Variants in KCNQ1 observed in about 807,000 individuals in gnomAD.
The protein encoded by KCNQ1 is potassium voltage-gated channel subfamily KQT member 1.
In KCNQ1, 49 loss-of-function variants were observed where a neutral mutation model predicts 72.4. The ratio of observed to expected loss-of-function variants is 0.68; its 90% CI spans 0.54 to 0.86. The LOEUF (loss-of-function observed/expected upper bound fraction) is 0.86. KCNQ1 is among the 40% of genes least tolerant of loss of function. The probability of loss-of-function intolerance (pLI) is 0.00; values close to 1 mark genes in which losing one functional copy is unlikely to be tolerated. For missense variants in KCNQ1, 790 were observed against 945.1 expected, an observed-to-expected ratio of 0.84 and a Z score of 2.15; for synonymous variants, 450 against 412.6, an observed-to-expected ratio of 1.09 and a Z score of -1.10.
At chr11:2,638,861 T>C (rs1160227399) in intron 10 of KCNQ1, 2 of 152,250 alleles carry the variant, frequency 1.3e-5, no homozygotes, top group Non-Finnish European at 2.9e-5. Flanking sequence ...CAGTCAGATG[T>C]AGATTTGGTC....
At position 2,607,565 on chromosome 11, in the gene KCNQ1, C is replaced by T. The variant is rs1430374963; in HGVS notation, c.1393+18711C>T. On this transcript the variant is annotated intron_variant, in intron 10 of 15. Transcript: ENST00000155840. Reference sequence around the variant, plus strand: ...CACAAGAAGACAACTGTTCATGAACCAGAAAGCGAGTCCTCTCCAGATGCT... The same window carrying T: ...CACAAGAAGACAACTGTTCATGAACTAGAAAGCGAGTCCTCTCCAGATGCT... Among the ~76,000 whole-genome samples, 5 of 152,100 alleles carry T rather than the reference C, an allele frequency of 3.3e-5. No individual in the cohort carries two copies. In the South Asian group the frequency reaches 8.3e-4, roughly 25 times the overall value.
At chr11:2,584,478 T>C (rs534288992) in intron 7 of KCNQ1, among the ~76,000 whole-genome samples, 1 of 151,804 alleles carries the variant, frequency 6.6e-6, no homozygotes, top group Admixed American at 6.6e-5. Flanking sequence ...TGTATGTTAG[T>C]GTTAGTGTGT....
At chr11:2,554,887 A>G (rs866294681) in intron 2 of KCNQ1, among the ~76,000 whole-genome samples, 13 of 152,290 alleles carry the variant, frequency 8.5e-5, no homozygotes, top group Admixed American at 1.3e-4. Context: ...AAAGGGGGGG[A>G]AAACAACTGT....
intron 2 of KCNQ1, among the ~76,000 whole-genome samples, chr11:2,548,571 C>T (rs756819369): frequency 6.6e-6 from 1 of 152,208 alleles, no homozygotes; most frequent in Non-Finnish European, 1.5e-5. Context: ...GTCTGCAAAC[C>T]GCTACATTCT....
intron 11 of KCNQ1, among the ~76,000 whole-genome samples, chr11:2,737,657 C>T (rs963404202): frequency 1.3e-5 from 2 of 152,208 alleles, no homozygotes; most frequent in Admixed American, 6.5e-5. Flanking sequence ...GGGAAGCCTT[C>T]GTGCTGACTC....
At chr11:2,791,283 A>C (rs1005986510) in intron 15 of KCNQ1, among the ~76,000 whole-genome samples, 4 of 152,154 alleles carry the variant, frequency 2.6e-5, no homozygotes, top group African/African-American at 7.2e-5. Context: ...AATCGACAGC[A>C]TCAATTGCGG....
chr11:2,460,913 G>C (rs532168980), intron 1 of KCNQ1, among the ~76,000 whole-genome samples: 145 of 152,340 alleles, frequency 9.5e-4, no homozygotes, highest in Non-Finnish European at 1.7e-3. Flanking sequence ...CCCTCTTGTC[G>C]GTCTTGTCTG....
chr11:2,840,679 C>T (rs1171579178), intron 15 of KCNQ1, among the ~76,000 whole-genome samples: 1 of 152,094 alleles, frequency 6.6e-6, no homozygotes, highest in Non-Finnish European at 1.5e-5. Context: ...ATAATAAATG[C>T]CATAAACCCA....
chr11:2,691,135 G>C lies in KCNQ1; in HGVS notation c.1514+29054G>C. On this transcript the variant is annotated intron_variant, in intron 11 of 15. Coordinates refer to ENST00000155840, the MANE Select transcript of KCNQ1 (RefSeq NM_000218.3). This position sits in a 1 kb window ranked among gnomAD's most constrained non-coding sequence, Gnocchi z 6.4. Reference sequence around the variant, plus strand: ...GTGGAGGCTGTGCAGACCTGGTGCAGAGTCTGTGCTGGCCTCTGGCCTCTC... The same window carrying C: ...GTGGAGGCTGTGCAGACCTGGTGCACAGTCTGTGCTGGCCTCTGGCCTCTC... 2.5e-6 allele frequency: 1 copy of C among 398,686 alleles called. No individual in the cohort carries two copies. The highest frequency in any genetic ancestry group is 4.4e-6 in the Non-Finnish European group (1 of 226,102). 24.7% of individuals were successfully genotyped at this position (398,686 alleles called of 1,614,324 possible).
intron 11 of KCNQ1, among the ~76,000 whole-genome samples, chr11:2,753,960 C>T (rs1345940114): frequency 6.6e-5 from 10 of 152,154 alleles, no homozygotes. Context: ...AGAGGTCTTA[C>T]AACTCAATAA....
rs997148885 is a variant in KCNQ1 at position 2,664,196 on chromosome 11, G to A, written c.1514+2115G>A. On this transcript the variant is annotated intron_variant, in intron 11 of 15. Transcript: ENST00000155840. This position sits in a 1 kb window ranked among gnomAD's most constrained non-coding sequence, Gnocchi z 5.1. ...GCTAGATATGAGCCAGCCTGGGAAG[G>A]CAGGAAGGAGCCCAGGCATGGGGCT... is the stretch of plus-strand genomic sequence containing the variant. 7.5e-6 allele frequency: 3 copies of A among 398,804 alleles called. No homozygotes were observed. The highest frequency in any genetic ancestry group is 1.3e-5 in the Non-Finnish European group (3 of 226,220). The allele number at this position is 398,804 out of a possible 1,614,324, so 24.7% of individuals were successfully genotyped here. A position where few individuals can be genotyped will look rare whatever the true frequency, so the allele number is the denominator to read the frequency against.
rs1410640906 is a variant in KCNQ1, at chr11:2,547,210, G to A, written c.477+19192G>A. Among the ~76,000 whole-genome samples, 1 of 152,028 alleles carries A rather than the reference G, an allele frequency of 6.6e-6. No homozygotes were observed. Among genetic ancestry groups the A allele is most frequent in the Non-Finnish European group, 1.5e-5 (1 of 67,998 alleles). On this transcript the variant is annotated intron_variant, in intron 2 of 15. Coordinates refer to ENST00000155840, the MANE Select transcript of KCNQ1 (RefSeq NM_000218.3). This position sits in a 1 kb window ranked among gnomAD's most constrained non-coding sequence, Gnocchi z 4.2. The stretch of plus-strand genomic sequence containing the variant: ...TATTATTTTCTTTTAAAAACATTTG[G>A]GTAATTAGGAGGTTGTATTATTTAT...
rs918233884 is a variant in KCNQ1 at position 2,736,264 on chromosome 11, T to G, written c.1515-32580T>G. On this transcript the variant is annotated intron_variant, in intron 11 of 15. Transcript: ENST00000155840. ...ACTGGGACCAGTTGAAACTCCATTC[T>G]AAGTCTTGGGGACCTAATGGGATTA... Among the ~76,000 whole-genome samples the G allele has an allele frequency of 1.1e-4, 16 of 152,292 alleles. No homozygotes were observed. In the East Asian group the frequency reaches 1.9e-3, roughly 18 times the overall value.
At chr11:2,512,581 G>A (rs1479138354) in intron 1 of KCNQ1, among the ~76,000 whole-genome samples, 5 of 152,198 alleles carry the variant, frequency 3.3e-5, no homozygotes, top group Admixed American at 6.5e-5. Flanking sequence ...AGTGGCTTCC[G>A]GGGATGTGCA....
chr11:2,631,644 C>G (rs1270321056), intron 10 of KCNQ1: 4 of 398,204 alleles, frequency 1.0e-5, no homozygotes, highest in African/African-American at 8.2e-5. Flanking sequence ...CTTGGTTTTT[C>G]TGTTTCTTGT....
intron 1 of KCNQ1, among the ~76,000 whole-genome samples, chr11:2,476,827 C>G (rs976727933): frequency 3.9e-5 from 6 of 152,144 alleles, no homozygotes; most frequent in African/African-American, 1.4e-4. Context: ...GCTGGGTTTA[C>G]GGGCATGTGC....
Position 2,674,403 on chromosome 11 carries a change from G to C in KCNQ1, c.1514+12322G>C. The C allele has an allele frequency of 2.5e-6, 1 of 398,544 alleles. No individual in the cohort carries two copies. The highest frequency in any genetic ancestry group is 3.6e-5 in the East Asian group (1 of 28,048). The allele number at this position is 398,544 out of a possible 1,614,324, so 24.7% of individuals were successfully genotyped here. A position where few individuals can be genotyped will look rare whatever the true frequency, so the allele number is the denominator to read the frequency against. On this transcript the variant is annotated intron_variant, in intron 11 of 15. Transcript: ENST00000155840. The surrounding 1 kb of genome is among the most constrained non-coding windows in gnomAD (Gnocchi z 5.9). Reference sequence around the variant, plus strand: ...AGGGAAGGTGCATGCGTGCGTGTGTGTGTGCGCGCCCGCGCGCACACGACC... The same window carrying C: ...AGGGAAGGTGCATGCGTGCGTGTGTCTGTGCGCGCCCGCGCGCACACGACC...
At chr11:2,649,273 T>C in intron 10 of KCNQ1, 1 of 398,526 alleles carries the variant, frequency 2.5e-6, no homozygotes, top group Admixed American at 4.4e-5. Flanking sequence ...GACTGATTTG[T>C]ATACTTTTGT....
At chr11:2,731,890 A>C (rs539441658) in intron 11 of KCNQ1, among the ~76,000 whole-genome samples, 26 of 152,308 alleles carry the variant, frequency 1.7e-4, no homozygotes, top group Non-Finnish European at 3.2e-4. Flanking sequence ...CAGGACCACA[A>C]TTCTGAGGGC....
Sources: allele counts gnomAD v4.1 joint callset (sites outside exome capture counted in the v4.1 genomes callset), GRCh38; gene constraint gnomAD v4.1.1; non-coding constraint Gnocchi (gnomAD v3.1); transcripts MANE v1.5; gene names NCBI Gene and HGNC (gene_info 2026-07-23, HGNC 2026-07-21).